Variants in PLEKHF1 observed in about 807,000 individuals in gnomAD.
PLEKHF1 encodes pleckstrin homology domain-containing family F member 1.
A neutral mutation model predicts 4.1 loss-of-function variants in PLEKHF1; 1 was observed. The observed-to-expected ratio is 0.24, with a 90% CI of 0.09 to 1.15. PLEKHF1 has a LOEUF of 1.15. Among genes scored for constraint, PLEKHF1 ranks in the 50% most tolerant of loss-of-function variants. The pLI, the probability that PLEKHF1 is intolerant of heterozygous loss-of-function variation, is 0.52. For missense variants in PLEKHF1, 429 were observed against 400.6 expected (o/e 1.07, Z -0.60); for synonymous variants, 182 against 178.5 (o/e 1.02, Z -0.16).
chr19:29,665,555 G>A, intron 1 of PLEKHF1, 50 bp downstream of exon 1: 1 of 1,252,436 alleles, frequency 8.0e-7, no homozygotes, highest in Non-Finnish European at 1.0e-6. Flanking sequence ...CGGGGCAGGC[G>A]CATGAGGCGA....
At chr19:29,670,071 G>A (rs1407343859) in intron 1 of PLEKHF1, among the ~76,000 whole-genome samples, 1 of 152,064 alleles carries the variant, frequency 6.6e-6, no homozygotes, top group Non-Finnish European at 1.5e-5. Context: ...AGCAGGGATT[G>A]TAGGTACATA....
In PLEKHF1 at chr19:29,674,228, T is replaced by TGCG. The variant is rs1971669392; in HGVS notation, c.395_397dup (p.Arg132dup). Reference sequence around the variant, plus strand: ...TGGATTAGCCACATCGAGGAGTGCGTGCGGCGGCAACTGAGGGCCACGGGC... The same window carrying TGCG: ...TGGATTAGCCACATCGAGGAGTGCGTGCGGCGGCGGCAACTGAGGGCCACGGGC... On this transcript the variant is annotated inframe_insertion, in exon 2 of 2. Coordinates refer to ENST00000436066, the MANE Select transcript of PLEKHF1 (RefSeq NM_024310.5). The TGCG allele has an allele frequency of 2.5e-6, 4 of 1,611,588 alleles. No homozygotes were observed. In the South Asian group the frequency reaches 4.4e-5, roughly 18 times the overall value.
chr19:29,665,490 G>A lies in PLEKHF1; in HGVS notation c.-32G>A. 2 of 1,141,516 alleles carry A rather than the reference G, an allele frequency of 1.8e-6. No individual in the cohort carries two copies. The highest frequency in any genetic ancestry group is 1.4e-5 in the South Asian group (1 of 71,494). 70.7% of individuals were successfully genotyped at this position (1,141,516 alleles called of 1,614,324 possible). On this transcript the variant is annotated 5_prime_UTR_variant, in exon 1 of 2. Coordinates refer to ENST00000436066, the MANE Select transcript of PLEKHF1 (RefSeq NM_024310.5). Reference sequence around the variant, plus strand: ...CGGTGTGGACTCGAGGGCTGGGCGCGGGGCCGGCGCAGAAGGTGAGTCCCC... The same window carrying A: ...CGGTGTGGACTCGAGGGCTGGGCGCAGGGCCGGCGCAGAAGGTGAGTCCCC...
chr19:29,669,515 G>A (rs1971606433), intron 1 of PLEKHF1, among the ~76,000 whole-genome samples: 1 of 152,164 alleles, frequency 6.6e-6, no homozygotes, highest in African/African-American at 2.4e-5. Flanking sequence ...CCCAGGCCTG[G>A]ATGCCATGTG....
chr19:29,672,978 G>A (rs770610782), intron 1 of PLEKHF1, among the ~76,000 whole-genome samples: 4 of 152,178 alleles, frequency 2.6e-5, no homozygotes, highest in African/African-American at 7.2e-5. Context: ...AGAGGGGCCT[G>A]TGTGGCCTCA....
intron 1 of PLEKHF1, 192 bp downstream of exon 1, chr19:29,665,697 TTGCGGGGTGAACC>T: frequency 9.0e-7 from 1 of 1,106,244 alleles, no homozygotes; most frequent in South Asian, 1.9e-5. Context: ...CCTGGGCGGC[TTGCGGGGTGAACC>T]TGCAGGGAGC....
chr19:29,669,417 CA>C (rs1377099024), intron 1 of PLEKHF1, among the ~76,000 whole-genome samples: 4 of 152,230 alleles, frequency 2.6e-5, no homozygotes, highest in Non-Finnish European at 4.4e-5. Context: ...CATCCCGTTT[CA>C]CCAGTGGCCT....
chr19:29,668,754 T>C (rs1971597744), intron 1 of PLEKHF1, among the ~76,000 whole-genome samples: 1 of 151,438 alleles, frequency 6.6e-6, no homozygotes, highest in Admixed American at 6.6e-5. Flanking sequence ...GAAAAAAGCA[T>C]TCCCCATCTA....
At chr19:29,668,317 C>T (rs1032019343) in intron 1 of PLEKHF1, among the ~76,000 whole-genome samples, 2 of 152,200 alleles carry the variant, frequency 1.3e-5, no homozygotes, top group African/African-American at 4.8e-5. Flanking sequence ...TCACCAACAT[C>T]TTCCCGAGGC....
rs781669304 is a variant in PLEKHF1 at position 29,674,174 on chromosome 19, C to T, written c.335C>T (p.Ser112Leu). The T allele has an allele frequency of 9.3e-6, 15 of 1,613,212 alleles. No homozygotes were observed. Among genetic ancestry groups the T allele is most frequent in the East Asian group, 2.2e-5 (1 of 44,898 alleles). Residue 112 changes from serine to leucine, a missense_variant, in exon 2 of 2, where the codon TCG (serine) becomes TTG (leucine). Transcript: ENST00000436066. ...IKTAKKSFVV[S>L]AASATERQEW... ...ACGGCCAAGAAGTCCTTTGTGGTGTCGGCCGCCTCCGCTACGGAGCGCCAG... is the reference window on the plus strand; with the variant it reads ...ACGGCCAAGAAGTCCTTTGTGGTGTTGGCCGCCTCCGCTACGGAGCGCCAG...
At chr19:29,670,151 C>T (rs1365646718) in intron 1 of PLEKHF1, among the ~76,000 whole-genome samples, 3 of 152,098 alleles carry the variant, frequency 2.0e-5, no homozygotes, top group Admixed American at 6.6e-5. Flanking sequence ...AGGCTGGTCT[C>T]GAACTCCTGA....
At chr19:29,665,615 C>T in intron 1 of PLEKHF1, 110 bp downstream of exon 1, 3 of 1,182,616 alleles carry the variant, frequency 2.5e-6, no homozygotes, top group Non-Finnish European at 3.2e-6. Context: ...GCCGCGCGGT[C>T]TTGGCGGCTC....
At chr19:29,670,085 C>T (rs1971613621) in intron 1 of PLEKHF1, among the ~76,000 whole-genome samples, 1 of 152,144 alleles carries the variant, frequency 6.6e-6, no homozygotes, top group Non-Finnish European at 1.5e-5. Context: ...GTACATACCA[C>T]CATCCCTGGC....
rs558662060 is a variant in PLEKHF1 at position 29,674,399 on chromosome 19, C to T, written c.560C>T (p.Ser187Leu). ...GGCTTCGTGGTCTGCGCTGAGTGCT[C>T]GCGCCAGCGCTTCCTGCTCCCGCGC... ...KCGFVVCAEC[S>L]RQRFLLPRLS... The change falls in exon 2 of 2, where the codon TCG becomes TTG. Residue 187 changes from serine (S) to leucine (L), a missense_variant. Ser to Leu is a moderately radical substitution (Grantham distance 145). Coordinates refer to ENST00000436066, the MANE Select transcript of PLEKHF1 (RefSeq NM_024310.5). 4 of 1,530,648 alleles carry T rather than the reference C, an allele frequency of 2.6e-6. No individual in the cohort carries two copies. The highest frequency in any genetic ancestry group is 2.0e-5 in the Admixed American group (1 of 50,714). The allele number at this position is 1,530,648 out of a possible 1,614,324, so 94.8% of individuals were successfully genotyped here.
chr19:29,674,891 C>A lies in PLEKHF1; in HGVS notation c.*212C>A. 1.5e-6 allele frequency: 1 copy of A among 680,082 alleles called. No individual in the cohort carries two copies. Among genetic ancestry groups the A allele is most frequent in the East Asian group, 2.9e-5 (1 of 34,574 alleles). 42.1% of individuals were successfully genotyped at this position (680,082 alleles called of 1,614,324 possible). A position where few individuals can be genotyped will look rare whatever the true frequency, so the allele number is the denominator to read the frequency against. On this transcript the variant is annotated 3_prime_UTR_variant, in exon 2 of 2. Coordinates refer to ENST00000436066, the MANE Select transcript of PLEKHF1 (RefSeq NM_024310.5). ...AGGTAATGCCTTTCCCTTCAGGAAG[C>A]CCCAGAACACCCACAGGTCTTGGTA...
chr19:29,672,463 A>ACTGAGAACCCGTTGCAGGAAGGAG (rs1446871104), intron 1 of PLEKHF1, among the ~76,000 whole-genome samples: 192 of 152,286 alleles, frequency 1.3e-3, no homozygotes, highest in Non-Finnish European at 6.2e-4. Flanking sequence ...TCAAAAAGGA[A>ACTGAGAACCCGTTGCAGGAAGGAG]CTGAGAACCC....
chr19:29,672,550 G>C (rs543079963), intron 1 of PLEKHF1, among the ~76,000 whole-genome samples: 1 of 152,164 alleles, frequency 6.6e-6, no homozygotes, highest in Non-Finnish European at 1.5e-5. Context: ...ATATGGTGGC[G>C]GAGTTATGTG....
chr19:29,667,876 G>C (rs1971587366), intron 1 of PLEKHF1, among the ~76,000 whole-genome samples: 1 of 152,220 alleles, frequency 6.6e-6, no homozygotes, highest in Non-Finnish European at 1.5e-5. Context: ...GTAGCAAATA[G>C]TTTAGGTTTT....
At chr19:29,667,837 G>T (rs1010246808) in intron 1 of PLEKHF1, among the ~76,000 whole-genome samples, 29 of 150,636 alleles carry the variant, frequency 1.9e-4, no homozygotes, top group African/African-American at 6.6e-4. Context: ...GTAGATCAGG[G>T]GTTGGCTAAC....
Sources: allele counts gnomAD v4.1 joint callset (sites outside exome capture counted in the v4.1 genomes callset), GRCh38; gene constraint gnomAD v4.1.1; transcripts MANE v1.5; gene names NCBI Gene and HGNC (gene_info 2026-07-23, HGNC 2026-07-21).